NELL2: variants seen among roughly 807,000 people sequenced by gnomAD.
NELL2 encodes protein kinase C-binding protein NELL2.
In NELL2, 41 loss-of-function variants were observed where a neutral mutation model predicts 109.6. The observed-to-expected ratio is 0.37, with a 90% CI of 0.29 to 0.49. NELL2 has a LOEUF of 0.49. Ranked by LOEUF, NELL2 falls within the 20% of genes least tolerant of loss-of-function variation. The pLI is 0.98. For synonymous variants in NELL2, 355 were observed against 344.7 expected, an observed-to-expected ratio of 1.03 and a Z score of -0.33; for missense variants, 900 against 1,008.3, an observed-to-expected ratio of 0.89 and a Z score of 1.45.
intron 3 of NELL2, among the ~76,000 whole-genome samples, chr12:44,801,313 T>C (rs1942821512): frequency 6.6e-6 from 1 of 152,122 alleles, no homozygotes; most frequent in African/African-American, 2.4e-5. Flanking sequence ...TGTGAAAGAT[T>C]TCTGGCTTTT....
intron 15 of NELL2, among the ~76,000 whole-genome samples, chr12:44,554,987 G>C (rs1263206319): frequency 1.3e-5 from 2 of 152,214 alleles, no homozygotes; most frequent in Non-Finnish European, 2.9e-5. Context: ...CCTCCTTTTA[G>C]AATGGGGAAG....
intron 2 of NELL2, among the ~76,000 whole-genome samples, chr12:44,849,113 T>A (rs1050584116): frequency 1.3e-5 from 2 of 152,160 alleles, no homozygotes; most frequent in Middle Eastern, 3.2e-3. Flanking sequence ...TTTAAAAGGT[T>A]TTTAAAATTA....
chr12:44,785,163 G>A (rs1942116752), intron 3 of NELL2, among the ~76,000 whole-genome samples: 1 of 152,152 alleles, frequency 6.6e-6, no homozygotes, highest in African/African-American at 2.4e-5. Context: ...TCCTTAAGCT[G>A]ATAAGCATCT....
rs1292143669 is a variant in NELL2, at chr12:44,703,967, A to G, written c.1190-113T>C. The stretch of plus-strand genomic sequence containing the variant: ...CTATGACTCCCTAAATAATTTTTTA[A>G]TTAGTATCTTCATCAACATTTACAG... On this transcript the variant is annotated intron_variant, in intron 11 of 19. Transcript: ENST00000429094. 7 of 847,056 alleles carry G rather than the reference A, an allele frequency of 8.3e-6. No homozygotes were observed. The East Asian group carries it at 1.7e-4, about 20-fold the overall frequency. The allele number at this position is 847,056 out of a possible 1,614,324, so 52.5% of individuals were successfully genotyped here.
intron 9 of NELL2, among the ~76,000 whole-genome samples, chr12:44,742,732 C>T (rs1469471025): frequency 5.3e-5 from 8 of 151,810 alleles, no homozygotes; most frequent in East Asian, 1.9e-4. Flanking sequence ...TGAAATGAAG[C>T]GAGAAGAGAA....
chr12:44,903,242 G>A (rs76856968), intron 1 of NELL2, among the ~76,000 whole-genome samples: 5,330 of 152,122 alleles, frequency 0.035, 204 homozygotes, highest in African/African-American at 0.086. Context: ...ATGAACAGAC[G>A]CTTTTCAAAA....
chr12:44,832,993 G>A (rs1943933097), intron 2 of NELL2, among the ~76,000 whole-genome samples: 1 of 152,160 alleles, frequency 6.6e-6, no homozygotes, highest in Non-Finnish European at 1.5e-5. Flanking sequence ...GATTATCAGA[G>A]AAAATAATTA....
chr12:44,534,202 G>A (rs1185323900), intron 15 of NELL2, among the ~76,000 whole-genome samples: 1 of 151,870 alleles, frequency 6.6e-6, no homozygotes, highest in African/African-American at 2.4e-5. Context: ...ATGAATAAAT[G>A]TATACATAAG....
chr12:44,527,952 G>A (rs571803978), intron 16 of NELL2, among the ~76,000 whole-genome samples: 11 of 151,556 alleles, frequency 7.3e-5, no homozygotes, highest in Admixed American at 2.6e-4. Flanking sequence ...AAATTAGCCC[G>A]GCGTGGTGGC....
intron 15 of NELL2, among the ~76,000 whole-genome samples, chr12:44,535,713 G>A (rs1427459153): frequency 6.6e-6 from 1 of 151,724 alleles, no homozygotes; most frequent in African/African-American, 2.4e-5. Context: ...TTATAGTAGA[G>A]TAATAAAACT....
rs1165874727 is a variant in NELL2 at position 44,779,738 on chromosome 12, T to C, written c.531A>G (p.Glu177=). 6.2e-7 allele frequency: 1 copy of C among 1,613,998 alleles called. No individual in the cohort carries two copies. Among genetic ancestry groups the C allele is most frequent in the Non-Finnish European group, 8.5e-7 (1 of 1,179,878 alleles). ...CTAGAGGCAAGTCTGTGGAGGGCTT[T>C]TCTACTACCCTTTCATAAATTCTGC... ...DCNKIYERVV[E]KPSTDLPLGT... The change falls in exon 5 of 20, where the codon GAA becomes GAG. Residue 177 remains glutamate, a synonymous_variant. Coordinates refer to ENST00000429094, the MANE Select transcript of NELL2 (RefSeq NM_001145108.2).
rs540965462 is a variant in NELL2 at position 44,725,176 on chromosome 12, C to T, written c.995-10435G>A. Among the ~76,000 whole-genome samples, 4 of 152,220 alleles carry T rather than the reference C, an allele frequency of 2.6e-5. No individual in the cohort carries two copies. In the South Asian group the frequency reaches 6.2e-4, roughly 24 times the overall value. ...AAACTATAAAAACTCTGGAAGACAA[C>T]CTGGGCAATACCATTCTGGACATAG... On this transcript the variant is annotated intron_variant, in intron 9 of 19. Coordinates refer to ENST00000429094, the MANE Select transcript of NELL2 (RefSeq NM_001145108.2).
intron 2 of NELL2, among the ~76,000 whole-genome samples, chr12:44,830,529 G>T (rs192063587): frequency 1.3e-5 from 2 of 152,112 alleles, no homozygotes; most frequent in East Asian, 3.9e-4. Context: ...AGTACCACAG[G>T]GCATGGGGCA....
chr12:44,903,495 C>G (rs1241472743), intron 1 of NELL2, among the ~76,000 whole-genome samples: 1 of 152,090 alleles, frequency 6.6e-6, no homozygotes, highest in Non-Finnish European at 1.5e-5. Flanking sequence ...CCTCAAGGAC[C>G]TAGAACTAGA....
chr12:44,647,965 G>A (rs566127930), intron 13 of NELL2, among the ~76,000 whole-genome samples: 1 of 152,260 alleles, frequency 6.6e-6, no homozygotes, highest in East Asian at 1.9e-4. Context: ...TGGAAGGTGA[G>A]GGTCAAGGTG....
intron 15 of NELL2, among the ~76,000 whole-genome samples, chr12:44,598,879 ACACACT>A (rs1164353499): frequency 7.4e-5 from 11 of 148,954 alleles, no homozygotes; most frequent in African/African-American, 2.2e-4. Flanking sequence ...ACACACACAC[ACACACT>A]CTCTCTCTCT....
intron 1 of NELL2, among the ~76,000 whole-genome samples, chr12:44,920,712 G>A (rs1412343177): frequency 6.6e-6 from 1 of 152,090 alleles, no homozygotes; most frequent in East Asian, 1.9e-4. Context: ...ATACCAACAT[G>A]TCTACAATAT....
intron 15 of NELL2, among the ~76,000 whole-genome samples, chr12:44,598,732 A>G (rs1326606277): frequency 6.6e-6 from 1 of 152,114 alleles, no homozygotes; most frequent in Non-Finnish European, 1.5e-5. Flanking sequence ...CAAACACCAG[A>G]TATGGATTTA....
intron 2 of NELL2, among the ~76,000 whole-genome samples, chr12:44,863,738 G>T (rs1195871688): frequency 1.3e-5 from 2 of 152,126 alleles, no homozygotes; most frequent in African/African-American, 4.8e-5. Flanking sequence ...TTGGTAAAAT[G>T]AAGTACAAAG....
Sources: allele counts gnomAD v4.1 joint callset (sites outside exome capture counted in the v4.1 genomes callset), GRCh38; gene constraint gnomAD v4.1.1; transcripts MANE v1.5; gene names NCBI Gene and HGNC (gene_info 2026-07-23, HGNC 2026-07-21).